Variants in TUSC3 observed in about 807,000 individuals in gnomAD.
TUSC3 encodes tumor suppressor candidate 3.
Under a neutral mutation model 44.8 loss-of-function variants are expected in TUSC3, and 45 were observed. The ratio of observed to expected loss-of-function variants is 1.00; its 90% confidence interval spans 0.79 to 1.29. The LOEUF (loss-of-function observed/expected upper bound fraction) is 1.29, where lower values mean the gene tolerates loss of function less well. TUSC3 is among the 50% of genes most tolerant of loss of function. The pLI is 0.00. For missense variants in TUSC3, 519 were observed against 437.9 expected (o/e 1.19, Z -1.65); for synonymous variants, 212 against 152.9 (o/e 1.39, Z -2.85).
intron 5 of TUSC3, among the ~76,000 whole-genome samples, chr8:15,667,948 G>A (rs902955781): frequency 3.3e-5 from 5 of 151,698 alleles, no homozygotes; most frequent in African/African-American, 1.2e-4. Context: ...GACGGTTAAA[G>A]GAGGATGCCT....
At chr8:15,623,331 T>C in intron 2 of TUSC3, 82 bp downstream of exon 2, 2 of 1,334,380 alleles carry the variant, frequency 1.5e-6, no homozygotes, top group Non-Finnish European at 2.0e-6. Flanking sequence ...AAGATAAATA[T>C]ATGTAAGATA....
At chr8:15,432,375 C>G (rs1299709421) in intron 1 of TUSC3, among the ~76,000 whole-genome samples, 1 of 151,954 alleles carries the variant, frequency 6.6e-6, no homozygotes. Context: ...TTAAAATGTC[C>G]ATTTCCTTGC....
intron 10 of TUSC3, among the ~76,000 whole-genome samples, chr8:15,762,046 A>T (rs1812186558): frequency 6.6e-6 from 1 of 151,888 alleles, no homozygotes; most frequent in African/African-American, 2.4e-5. Flanking sequence ...TGGAAATTTA[A>T]TATTTATAAT....
intron 1 of TUSC3, among the ~76,000 whole-genome samples, chr8:15,605,438 A>G (rs977542414): frequency 3.9e-5 from 6 of 152,000 alleles, no homozygotes; most frequent in Non-Finnish European, 8.8e-5. Flanking sequence ...TCTCCTGTAG[A>G]AGGAAGCCAT....
At chr8:15,598,330 C>A (rs2129153469) in intron 1 of TUSC3, among the ~76,000 whole-genome samples, 1 of 152,030 alleles carries the variant, frequency 6.6e-6, no homozygotes, top group South Asian at 2.1e-4. Flanking sequence ...GATTTAGATT[C>A]ACAGCAAAGT....
intron 2 of TUSC3, among the ~76,000 whole-genome samples, chr8:15,529,911 C>G (rs1474839711): frequency 1.4e-5 from 1 of 72,140 alleles, no homozygotes; most frequent in Non-Finnish European, 2.6e-5. Flanking sequence ...CATTCTCCTG[C>G]CTCAGCCTCC....
chr8:15,582,882 C>A (rs1002100032), intron 1 of TUSC3, among the ~76,000 whole-genome samples: 1 of 152,216 alleles, frequency 6.6e-6, no homozygotes, highest in African/African-American at 2.4e-5. Flanking sequence ...TTTAGAAGAC[C>A]TACAACCTTC....
At chr8:15,852,041 C>A in the TUSC3 span, among the ~76,000 whole-genome samples, 2 of 152,180 alleles carry the variant, frequency 1.3e-5, no homozygotes, top group South Asian at 4.2e-4. Context: ...ATGAGGCCTC[C>A]CCAGCCACGT....
intron 6 of TUSC3, among the ~76,000 whole-genome samples, chr8:15,675,809 T>G (rs1808163641): frequency 6.6e-6 from 1 of 152,190 alleles, no homozygotes; most frequent in African/African-American, 2.4e-5. Context: ...CTGTTGTATA[T>G]GTACCACATT....
chr8:15,719,203 T>G (rs1563188685), intron 6 of TUSC3, among the ~76,000 whole-genome samples: 1 of 152,092 alleles, frequency 6.6e-6, no homozygotes, highest in Non-Finnish European at 1.5e-5. Flanking sequence ...ATCTAAGTCT[T>G]CACCAGCACA....
chr8:15,639,283 A>G (rs1444596853), intron 2 of TUSC3, among the ~76,000 whole-genome samples: 1 of 151,892 alleles, frequency 6.6e-6, no homozygotes, highest in East Asian at 2.0e-4. Flanking sequence ...CATGATGTTC[A>G]GAGCTTCAGT....
chr8:15,636,939 C>T (rs1017130860), intron 2 of TUSC3, among the ~76,000 whole-genome samples: 1 of 152,128 alleles, frequency 6.6e-6, no homozygotes, highest in Non-Finnish European at 1.5e-5. Flanking sequence ...GATGCCGATC[C>T]AGTTTTCTTA....
the TUSC3 span, among the ~76,000 whole-genome samples, chr8:15,830,375 G>A: frequency 6.6e-6 from 1 of 152,146 alleles, no homozygotes; most frequent in Non-Finnish European, 1.5e-5. Context: ...ATGTCCAGAA[G>A]AGGATTTCCT....
At chr8:15,636,203 G>A (rs7820019) in intron 2 of TUSC3, among the ~76,000 whole-genome samples, 152,177 of 152,234 alleles carry the variant, frequency 1, 76,060 homozygotes, top group Middle Eastern at 1. Flanking sequence ...AAGCACAATC[G>A]GATTTCAACT....
intron 2 of TUSC3, among the ~76,000 whole-genome samples, chr8:15,519,568 T>C (rs1801266728): frequency 6.6e-6 from 1 of 152,058 alleles, no homozygotes; most frequent in African/African-American, 2.4e-5. Flanking sequence ...GCAAGAATCC[T>C]ATTGTGAACT....
chr8:15,585,943 G>C (rs1367152817), intron 1 of TUSC3, among the ~76,000 whole-genome samples: 3 of 152,182 alleles, frequency 2.0e-5, no homozygotes, highest in Non-Finnish European at 2.9e-5. Flanking sequence ...ATCACCCATA[G>C]AATTCCTACG....
chr8:15,809,203 A>G, the TUSC3 span, among the ~76,000 whole-genome samples: 1 of 152,164 alleles, frequency 6.6e-6, no homozygotes, highest in African/African-American at 2.4e-5. Context: ...ATGACTGCAG[A>G]TATCTGGGCA....
rs375521847 is a variant in TUSC3, at chr8:15,601,367, A to G, written c.139-21713A>G. ...GTAGAAATGGAAGGCCCAAGTGTCT[A>G]AAGCAACGGGTTTATAGTTTGAATG... On this transcript the variant is annotated intron_variant, in intron 1 of 10. Transcript: ENST00000503731. Among the ~76,000 whole-genome samples, 46 of 151,828 alleles carry G rather than the reference A, an allele frequency of 3.0e-4. 1 individual carries two copies. The East Asian group carries it at 5.6e-3, about 19-fold the overall frequency.
the TUSC3 span, among the ~76,000 whole-genome samples, chr8:15,837,989 C>T: frequency 2.0e-5 from 3 of 152,166 alleles, no homozygotes; most frequent in African/African-American, 7.2e-5. Flanking sequence ...GAACTGCAAT[C>T]ATGACTTACT....
Sources: allele counts gnomAD v4.1 joint callset (sites outside exome capture counted in the v4.1 genomes callset), GRCh38; gene constraint gnomAD v4.1.1; transcripts MANE v1.5; gene names NCBI Gene and HGNC (gene_info 2026-07-23, HGNC 2026-07-21).